Variants in SIGLEC5 observed in about 807,000 individuals in gnomAD.
SIGLEC5 encodes the protein sialic acid binding Ig like lectin 5, also known as sialic acid-binding Ig-like lectin 5.
Under a neutral mutation model 45.9 loss-of-function variants are expected in SIGLEC5, and 34 were observed. The observed-to-expected ratio is 0.74, with a 90% confidence interval of 0.56 to 0.99. The LOEUF (loss-of-function observed/expected upper bound fraction) is 0.99. Ranked by LOEUF, SIGLEC5 falls within the 50% of genes least tolerant of loss-of-function variation. SIGLEC5 has a pLI of 0.00. For synonymous variants in SIGLEC5, 203 were observed against 258.6 expected (o/e 0.79, Z 2.06); for missense variants, 508 against 629.6 (o/e 0.81, Z 2.07).
rs144080278 is a variant in SIGLEC5 at position 51,624,797 on chromosome 19, C to T, written c.1464+1235G>A. Among the ~76,000 whole-genome samples the T allele has an allele frequency of 5.3e-3, 799 of 152,030 alleles. 5 individuals are homozygous for T. Among genetic ancestry groups the T allele is most frequent in the Non-Finnish European group, 8.6e-3 (582 of 67,970 alleles). On this transcript the variant is annotated intron_variant, in intron 8 of 8. Coordinates refer to ENST00000683636, the MANE Select transcript of SIGLEC5 (RefSeq NM_003830.4). ...CACCCTGGCCAACATGGTGAAACCC[C>T]GTCTCTACTAAAAATACAAAAATTA...
chr19:51,615,549 C>T (rs78006641), intron 8 of SIGLEC5, among the ~76,000 whole-genome samples: 19,960 of 152,144 alleles, frequency 0.13, 1,403 homozygotes, highest in Middle Eastern at 0.22. Context: ...AGAAGGAGAA[C>T]GGAGGTGGAA....
chr19:51,611,540 T>G lies in SIGLEC5; in HGVS notation c.*691A>C, dbSNP rs762992544. 6.6e-6 allele frequency among the ~76,000 whole-genome samples: 1 copy of G among 152,132 alleles called. No homozygotes were observed. Among genetic ancestry groups the G allele is most frequent in the African/African-American group, 2.4e-5 (1 of 41,410 alleles). The stretch of plus-strand genomic sequence containing the variant: ...CAGGGGAGATGCTTGTGATATATTG[T>G]CTAAGGCCAGGGGGCCGTGAATGGG... On this transcript the variant is annotated 3_prime_UTR_variant, in exon 9 of 9. Transcript: ENST00000683636.
In SIGLEC5 at chr19:51,627,646, C is replaced by G. The variant is rs779128062; in HGVS notation, c.1098G>C (p.Arg366=). 6.2e-7 allele frequency: 1 copy of G among 1,612,130 alleles called. No homozygotes were observed. Among genetic ancestry groups the G allele is most frequent in the Admixed American group, 1.7e-5 (1 of 59,818 alleles). The part of the protein sequence containing the change: ...RARPAPSLCW[R]LEEKPLEGNS... ...TCCCCTCCAGCGGCTTCTCCTCAAG[C>G]CGCCAGCACAGGGAGGGGGCCGGCC... The change falls in exon 6 of 9, where the codon CGG becomes CGC. Residue 366 remains arginine (R), a synonymous_variant. Transcript: ENST00000683636.
At chr19:51,627,085 G>A (rs939921270) in intron 7 of SIGLEC5, 64 bp downstream of exon 7, 3 of 1,296,182 alleles carry the variant, frequency 2.3e-6, no homozygotes, top group Middle Eastern at 1.9e-4. Flanking sequence ...CTGTGTTTCT[G>A]AGATTCAGTC....
rs1298516056 is a variant in SIGLEC5 at position 51,627,507 on chromosome 19, A to G, written c.1237T>C (p.Trp413Arg). 6.2e-7 allele frequency: 1 copy of G among 1,613,916 alleles called. No individual in the cohort carries two copies. The highest frequency in any genetic ancestry group is 8.5e-7 in the Non-Finnish European group (1 of 1,180,024). Residue 413 changes from tryptophan (W) to arginine (R), a missense_variant, in exon 6 of 9, where the codon TGG becomes CGG. Physicochemically the swap from Trp to Arg is moderately radical, Grantham distance 101. Coordinates refer to ENST00000683636, the MANE Select transcript of SIGLEC5 (RefSeq NM_003830.4). ...SSDLKVSCKAWNIYGSQSGSV... is the reference protein window; with the variant it reads ...SSDLKVSCKARNIYGSQSGSV... ...CCGCTCTGGGACCCATAGATGTTCC[A>G]GGCCTTGCAGCTGACTTTGAGGTCG... is the stretch of plus-strand genomic sequence containing the variant.
chr19:51,627,598 C>T lies in SIGLEC5; in HGVS notation c.1146G>A (p.Lys382=). Residue 382 remains lysine, a synonymous_variant, in exon 6 of 9, where the codon AAG becomes AAA. Coordinates refer to ENST00000683636, the MANE Select transcript of SIGLEC5 (RefSeq NM_003830.4). ...LEGNSSQGSF[K]VNSSSAGPWA... is the part of the protein sequence containing the mutation. ...AGGGCCCAGCTGAGCTGGAGTTGAC[C>T]TTGAATGAGCCCTGGCTGCTGTTCC... 6.2e-7 allele frequency: 1 copy of T among 1,613,866 alleles called. No homozygotes were observed. The highest frequency in any genetic ancestry group is 8.5e-7 in the Non-Finnish European group (1 of 1,180,008).
chr19:51,629,299 CACA>C, intron 3 of SIGLEC5, 56 bp downstream of exon 3: 1 of 1,571,896 alleles, frequency 6.4e-7, no homozygotes, highest in Non-Finnish European at 8.7e-7. Context: ...CACACACACA[CACA>C]CACCCCTCAC....
chr19:51,613,515 C>G (rs189843016), intron 8 of SIGLEC5, among the ~76,000 whole-genome samples: 14 of 152,000 alleles, frequency 9.2e-5, no homozygotes, highest in African/African-American at 3.4e-4. Flanking sequence ...GCCCAGGAAC[C>G]GGCACAGGGC....
At chr19:51,629,317 A>G in intron 3 of SIGLEC5, 41 bp downstream of exon 3, 1 of 1,605,468 alleles carries the variant, frequency 6.2e-7, no homozygotes, top group Non-Finnish European at 8.5e-7. Context: ...CCTCACTCCC[A>G]CTGCCCTTGA....
intron 4 of SIGLEC5, among the ~76,000 whole-genome samples, 163 bp from the exon 5 acceptor site, chr19:51,628,254 G>A (rs949473330): frequency 1.3e-5 from 2 of 152,148 alleles, no homozygotes; most frequent in African/African-American, 4.8e-5. Flanking sequence ...GCACACTCAG[G>A]AAACTGACCA....
rs531391836 is a variant in SIGLEC5 at position 51,628,770 on chromosome 19, G to C, written c.739+268C>G. ...TGTGCATGTGTGTGTGTATGTGCGT[G>C]TGTGTGTGGTGTATTGCATGTGTAT... On this transcript the variant is annotated intron_variant, in intron 4 of 8. Transcript: ENST00000683636. Among the ~76,000 whole-genome samples, 11 of 93,300 alleles carry C rather than the reference G, an allele frequency of 1.2e-4. No homozygotes were observed. In the East Asian group the frequency reaches 1.6e-3, roughly 13 times the overall value. 61.2% of individuals were successfully genotyped at this position (93,300 alleles called of 152,430 possible).
At chr19:51,625,001 A>G (rs1278020408) in intron 8 of SIGLEC5, among the ~76,000 whole-genome samples, 1 of 152,040 alleles carries the variant, frequency 6.6e-6, no homozygotes, top group Admixed American at 6.6e-5. Context: ...TACAGATATG[A>G]TGAGTGGGTG....
chr19:51,611,535 T>C lies in SIGLEC5; in HGVS notation c.*696A>G, dbSNP rs1304555783. ...TGTGTCAGGGGAGATGCTTGTGATA[T>C]ATTGTCTAAGGCCAGGGGGCCGTGA... On this transcript the variant is annotated 3_prime_UTR_variant, in exon 9 of 9. Coordinates refer to ENST00000683636, the MANE Select transcript of SIGLEC5 (RefSeq NM_003830.4). Among the ~76,000 whole-genome samples the C allele has an allele frequency of 6.6e-6, 1 of 152,198 alleles. No homozygotes were observed. Among genetic ancestry groups the C allele is most frequent in the Non-Finnish European group, 1.5e-5 (1 of 68,036 alleles).
intron 4 of SIGLEC5, among the ~76,000 whole-genome samples, chr19:51,628,296 G>C (rs1299711063): frequency 1.3e-5 from 2 of 152,178 alleles, no homozygotes; most frequent in African/African-American, 4.8e-5. Flanking sequence ...TCCAGAGGAG[G>C]CTCAATATCT....
At chr19:51,626,705 C>T (rs1226284213) in intron 7 of SIGLEC5, among the ~76,000 whole-genome samples, 5 of 152,048 alleles carry the variant, frequency 3.3e-5, no homozygotes, top group Middle Eastern at 6.3e-3. Flanking sequence ...TTTATGTCTT[C>T]GTTTTTCACT....
chr19:51,622,960 A>G (rs1401160860), intron 8 of SIGLEC5, among the ~76,000 whole-genome samples: 3 of 152,048 alleles, frequency 2.0e-5, no homozygotes, highest in African/African-American at 7.2e-5. Flanking sequence ...ATTCTTTTTT[A>G]TGGCTGAATA....
intron 8 of SIGLEC5, among the ~76,000 whole-genome samples, chr19:51,615,228 T>A (rs1470018744): frequency 6.6e-6 from 1 of 152,152 alleles, no homozygotes; most frequent in Non-Finnish European, 1.5e-5. Context: ...GAACTAAAGA[T>A]GGAGCTCCTG....
rs1305335338 is a variant in SIGLEC5, at chr19:51,629,880, T to A, written c.374A>T (p.Asp125Val). ...ATTCTGTTGGTAGCTATATTTTACATCCCTTCCTCTCTCCACGCGGAAGAA... is the reference window on the plus strand; with the variant it reads ...ATTCTGTTGGTAGCTATATTTTACAACCCTTCCTCTCTCCACGCGGAAGAA... The part of the protein sequence containing the change: ...SYFFRVERGR[D>V]VKYSYQQNKL... Residue 125 changes from aspartate (D) to valine (V), a missense_variant, in exon 2 of 9, where the codon GAT (aspartate) becomes GTT (valine). Physicochemically the swap from Asp to Val is radical, Grantham distance 152. Around this residue, in one of 2 missense-constraint regions of SIGLEC5, gnomAD observed 77 missense variants for 200.8 expected, o/e 0.38. Transcript: ENST00000683636. The A allele has an allele frequency of 3.1e-6, 4 of 1,302,998 alleles. No homozygotes were observed. Among genetic ancestry groups the A allele is most frequent in the African/African-American group, 3.2e-5 (2 of 62,944 alleles). The allele number at this position is 1,302,998 out of a possible 1,614,324, so 80.7% of individuals were successfully genotyped here.
At chr19:51,629,128 A>G in intron 3 of SIGLEC5, 52 bp from the exon 4 acceptor site, 1 of 1,596,212 alleles carries the variant, frequency 6.3e-7, no homozygotes, top group East Asian at 2.2e-5. Context: ...TGAGATGGGC[A>G]TGGGCCCAGG....
Sources: gnomAD v4.1 joint callset for allele counts (sites outside exome capture counted in the v4.1 genomes callset) on GRCh38, gnomAD v4.1.1 for gene constraint, gnomAD v4.1.1 regional missense constraint, MANE v1.5 for transcripts, NCBI Gene and HGNC (gene_info 2026-07-23, HGNC 2026-07-21) for gene names.